Variants in WWP2 observed in about 807,000 individuals in gnomAD.
WWP2 encodes NEDD4-like E3 ubiquitin-protein ligase WWP2.
Under a neutral mutation model 121.0 loss-of-function variants are expected in WWP2, and 57 were observed. The observed-to-expected ratio is 0.47, with a 90% confidence interval of 0.38 to 0.59. WWP2 has a LOEUF of 0.59. Ranked by LOEUF, WWP2 falls within the 20% of genes least tolerant of loss-of-function variation. WWP2 has a pLI of 0.00. For synonymous variants in WWP2, 449 were observed against 441.3 expected, an observed-to-expected ratio of 1.02 and a Z score of -0.22; for missense variants, 962 against 1,158.9, an observed-to-expected ratio of 0.83 and a Z score of 2.47.
chr16:69,908,253 A>G (rs2058325965), intron 8 of WWP2, among the ~76,000 whole-genome samples: 1 of 152,188 alleles, frequency 6.6e-6, no homozygotes, highest in African/African-American at 2.4e-5. Flanking sequence ...TCATTAAAAA[A>G]TAAATAATAG....
chr16:69,874,831 G>A (rs1468598280), intron 7 of WWP2, among the ~76,000 whole-genome samples: 2 of 152,086 alleles, frequency 1.3e-5, no homozygotes, highest in African/African-American at 4.8e-5. Flanking sequence ...AAGGCCCAGT[G>A]ACTCGCTAGG....
intron 4 of WWP2, among the ~76,000 whole-genome samples, chr16:69,837,730 G>C (rs1460473432): frequency 6.6e-6 from 1 of 152,210 alleles, no homozygotes; most frequent in African/African-American, 2.4e-5. Flanking sequence ...CTTCCGGAAT[G>C]CTCATCCCTC....
intron 1 of WWP2, among the ~76,000 whole-genome samples, chr16:69,778,286 T>A (rs2055584843): frequency 6.6e-6 from 1 of 151,022 alleles, no homozygotes; most frequent in Non-Finnish European, 1.5e-5. Context: ...AGTCCATTAG[T>A]TTCTTCAATA....
intron 4 of WWP2, among the ~76,000 whole-genome samples, chr16:69,831,027 T>A (rs777622808): frequency 6.6e-6 from 1 of 152,152 alleles, no homozygotes; most frequent in Non-Finnish European, 1.5e-5. Flanking sequence ...TCACCCGCTT[T>A]TGATGGGCCT....
chr16:69,762,686 G>A (rs1460664407), intron 1 of WWP2, among the ~76,000 whole-genome samples: 1 of 152,176 alleles, frequency 6.6e-6, no homozygotes, highest in Non-Finnish European at 1.5e-5. Context: ...AGGAGCTTAG[G>A]TTCCCAGGCA....
chr16:69,788,463 A>G (rs1294775458), intron 2 of WWP2, among the ~76,000 whole-genome samples: 1 of 152,146 alleles, frequency 6.6e-6, no homozygotes, highest in Non-Finnish European at 1.5e-5. Flanking sequence ...TTCCTGGTCT[A>G]CATTCTCTGT....
At chr16:69,930,013 C>T (rs922405001) in intron 12 of WWP2, 117 bp from the exon 13 acceptor site, 3 of 1,486,460 alleles carry the variant, frequency 2.0e-6, no homozygotes, top group African/African-American at 2.8e-5. Flanking sequence ...GGTGCATGTC[C>T]TCAAAGTCCC....
chr16:69,814,595 T>G (rs190624719), intron 4 of WWP2, among the ~76,000 whole-genome samples: 1 of 152,372 alleles, frequency 6.6e-6, no homozygotes, highest in Non-Finnish European at 1.5e-5. Flanking sequence ...GTTTCTTCTC[T>G]TTCCTCGTGT....
At chr16:69,873,662 T>G (rs1012727175) in intron 7 of WWP2, among the ~76,000 whole-genome samples, 2 of 152,210 alleles carry the variant, frequency 1.3e-5, no homozygotes, top group African/African-American at 4.8e-5. Context: ...CATTTTTCTC[T>G]TAGAAAACTC....
chr16:69,827,974 G>A (rs1005207637), intron 4 of WWP2: 46 of 450,442 alleles, frequency 1.0e-4, no homozygotes, highest in Non-Finnish European at 1.9e-4. Flanking sequence ...TGTTTTAAGA[G>A]GATCCACAGC....
At chr16:69,812,477 C>CCTTTT (rs1567679792) in intron 4 of WWP2, among the ~76,000 whole-genome samples, 6 of 119,892 alleles carry the variant, frequency 5.0e-5, no homozygotes, top group African/African-American at 2.0e-4. Flanking sequence ...AACCCCCCCC[C>CCTTTT]TTTTTTTTTT....
rs1450444317 is a variant in WWP2 at position 69,871,961 on chromosome 16, A to G, written c.703+30A>G. ...GTGATGGCACCGCACGCCAGCCTGCACTGAAGCTGTGGGCTCTCACCCGTT... is the reference window on the plus strand; with the variant it reads ...GTGATGGCACCGCACGCCAGCCTGCGCTGAAGCTGTGGGCTCTCACCCGTT... On this transcript the variant is annotated intron_variant, in intron 7 of 23. Transcript: ENST00000359154. 5 of 1,602,190 alleles carry G rather than the reference A, an allele frequency of 3.1e-6. No individual in the cohort carries two copies. In the Admixed American group the frequency reaches 8.6e-5, roughly 27 times the overall value.
At chr16:69,844,315 G>A (rs979564349) in intron 6 of WWP2, among the ~76,000 whole-genome samples, 24 of 152,126 alleles carry the variant, frequency 1.6e-4, no homozygotes, top group African/African-American at 5.1e-4. Context: ...CTAGAACAGC[G>A]GTGGGCGAGG....
At chr16:69,908,658 C>T in intron 8 of WWP2, 103 bp from the exon 9 acceptor site, 4 of 1,554,518 alleles carry the variant, frequency 2.6e-6, no homozygotes, top group Non-Finnish European at 3.5e-6. Flanking sequence ...ATCTTTGATG[C>T]TTCCTGTAAA....
chr16:69,901,673 C>T (rs2058207682), intron 8 of WWP2, among the ~76,000 whole-genome samples: 1 of 152,114 alleles, frequency 6.6e-6, no homozygotes, highest in Non-Finnish European at 1.5e-5. Context: ...ACTAATAATG[C>T]CCAGTGCTTG....
At chr16:69,892,926 C>G (rs187934528) in intron 8 of WWP2, among the ~76,000 whole-genome samples, 169 of 152,318 alleles carry the variant, frequency 1.1e-3, no homozygotes, top group Non-Finnish European at 2.1e-3. Context: ...GATAAATTCC[C>G]AAATCCTTAA....
chr16:69,932,722 G>A (rs563953594), intron 16 of WWP2, among the ~76,000 whole-genome samples: 9 of 152,210 alleles, frequency 5.9e-5, no homozygotes, highest in Admixed American at 2.0e-4. Context: ...CATGCCTGGG[G>A]TCAGTAAAAC....
chr16:69,855,790 G>A (rs924591671), intron 6 of WWP2, among the ~76,000 whole-genome samples: 4 of 152,218 alleles, frequency 2.6e-5, no homozygotes, highest in Admixed American at 6.5e-5. Context: ...GGAAGGGGAA[G>A]TGGAGTCATA....
chr16:69,903,395 C>T (rs1319295633), intron 8 of WWP2, among the ~76,000 whole-genome samples: 1 of 152,180 alleles, frequency 6.6e-6, no homozygotes, highest in Admixed American at 6.5e-5. Context: ...ATCAGTGTTT[C>T]TCTCCTTGTC....
Sources: allele counts gnomAD v4.1 joint callset (sites outside exome capture counted in the v4.1 genomes callset), GRCh38; gene constraint gnomAD v4.1.1; transcripts MANE v1.5; gene names NCBI Gene and HGNC (gene_info 2026-07-23, HGNC 2026-07-21).